GABBR2: variants seen among roughly 807,000 people sequenced by gnomAD.
The protein encoded by GABBR2 is gamma-aminobutyric acid type B receptor subunit 2.
In GABBR2, 23 loss-of-function variants were observed where a neutral mutation model predicts 105.6. The ratio of observed to expected loss-of-function variants is 0.22; its 90% CI spans 0.16 to 0.31. The LOEUF (loss-of-function observed/expected upper bound fraction) is 0.31, where lower values mean the gene tolerates loss of function less well. GABBR2 is among the 10% of genes least tolerant of loss of function. The pLI is 1.00. For missense variants in GABBR2, 734 were observed against 1,245.5 expected (o/e 0.59, Z 6.18); for synonymous variants, 478 against 499.7 (o/e 0.96, Z 0.58).
At chr9:98,695,400 A>G (rs1830735928) in intron 1 of GABBR2, among the ~76,000 whole-genome samples, 1 of 152,174 alleles carries the variant, frequency 6.6e-6, no homozygotes, top group African/African-American at 2.4e-5. Flanking sequence ...CACCAGCCCC[A>G]AGGGCCAGTG....
intron 1 of GABBR2, among the ~76,000 whole-genome samples, chr9:98,590,057 C>T (rs1036421524): frequency 6.6e-6 from 1 of 152,110 alleles, no homozygotes; most frequent in Admixed American, 6.6e-5. Flanking sequence ...CGCCTCTGTC[C>T]CCCTTTGCCT....
chr9:98,351,753 T>C (rs1316062566), intron 13 of GABBR2, among the ~76,000 whole-genome samples: 1 of 152,232 alleles, frequency 6.6e-6, no homozygotes, highest in African/African-American at 2.4e-5. Flanking sequence ...TGTCCATCTG[T>C]GTTGTCTTGT....
At chr9:98,391,850 C>T (rs1207622695) in intron 9 of GABBR2, among the ~76,000 whole-genome samples, 1 of 152,140 alleles carries the variant, frequency 6.6e-6, no homozygotes, top group Non-Finnish European at 1.5e-5. Context: ...GCAGAGGTGG[C>T]ATCTTAAGCC....
chr9:98,601,608 A>T lies in GABBR2; in HGVS notation c.322-23536T>A, dbSNP rs569496794. Among the ~76,000 whole-genome samples the T allele has an allele frequency of 8.7e-4, 132 of 152,344 alleles. 2 individuals carry two copies. The South Asian group carries it at 0.014, about 16-fold the overall frequency. On this transcript the variant is annotated intron_variant, in intron 1 of 18. Transcript: ENST00000259455. ...ACAATTTAATTTTTTAAAGGACATA[A>T]GAAGGAAGGAGGAGGAGGGAAGGGA...
chr9:98,504,132 G>C (rs951977493), intron 3 of GABBR2, among the ~76,000 whole-genome samples: 6 of 152,042 alleles, frequency 3.9e-5, no homozygotes, highest in African/African-American at 2.4e-5. Flanking sequence ...TAATCCTCAG[G>C]CCCTTCTACT....
At chr9:98,393,029 C>CCCAT (rs71369559) in intron 9 of GABBR2, among the ~76,000 whole-genome samples, 13,014 of 122,838 alleles carry the variant, frequency 0.11, 775 homozygotes, top group East Asian at 0.16. Context: ...CATGCATCCA[C>CCCAT]CCATCCATCC....
intron 1 of GABBR2, among the ~76,000 whole-genome samples, chr9:98,588,772 T>C (rs1829108540): frequency 6.6e-6 from 1 of 152,062 alleles, no homozygotes; most frequent in South Asian, 2.1e-4. Context: ...GACCACCGAG[T>C]TTTGGGCAAT....
intron 3 of GABBR2, among the ~76,000 whole-genome samples, chr9:98,506,706 C>T (rs937774565): frequency 6.6e-6 from 1 of 152,182 alleles, no homozygotes; most frequent in Non-Finnish European, 1.5e-5. Flanking sequence ...CAGTTCCCTG[C>T]CTCTCTCACA....
intron 2 of GABBR2, among the ~76,000 whole-genome samples, chr9:98,560,465 G>GCACA (rs753117164): frequency 1.3e-4 from 19 of 141,798 alleles, no homozygotes; most frequent in African/African-American, 4.7e-4. Flanking sequence ...ATATATACAT[G>GCACA]CACACACACA....
At chr9:98,678,914 C>T (rs1830507254) in intron 1 of GABBR2, among the ~76,000 whole-genome samples, 1 of 152,164 alleles carries the variant, frequency 6.6e-6, no homozygotes, top group South Asian at 2.1e-4. Context: ...TGTTTATGGT[C>T]CACCTGCCTG....
intron 1 of GABBR2, among the ~76,000 whole-genome samples, chr9:98,588,061 C>T (rs867557166): frequency 6.6e-6 from 1 of 152,124 alleles, no homozygotes; most frequent in Non-Finnish European, 1.5e-5. Flanking sequence ...AAAAAAAATA[C>T]AGATTACTTT....
chr9:98,470,663 C>G (rs1826655383), intron 6 of GABBR2, among the ~76,000 whole-genome samples: 1 of 152,078 alleles, frequency 6.6e-6, no homozygotes, highest in South Asian at 2.1e-4. Context: ...CCATGATGAA[C>G]AAAACATCGG....
intron 2 of GABBR2, among the ~76,000 whole-genome samples, chr9:98,545,080 C>G (rs1403351264): frequency 2.0e-5 from 3 of 152,176 alleles, no homozygotes; most frequent in Admixed American, 6.5e-5. Flanking sequence ...AAAATATTGG[C>G]TTTCTGATGT....
chr9:98,703,893 T>C (rs536987124), intron 1 of GABBR2, among the ~76,000 whole-genome samples: 15 of 151,974 alleles, frequency 9.9e-5, no homozygotes, highest in Non-Finnish European at 2.2e-4. Context: ...TGAGATTTAA[T>C]ACAGTTAAAT....
At chr9:98,665,242 C>G (rs890107106) in intron 1 of GABBR2, among the ~76,000 whole-genome samples, 1 of 151,616 alleles carries the variant, frequency 6.6e-6, no homozygotes, top group Non-Finnish European at 1.5e-5. Context: ...GCACTTCAGC[C>G]TCCTTGACAG....
At chr9:98,469,457 C>G (rs1826624093) in intron 6 of GABBR2, among the ~76,000 whole-genome samples, 1 of 152,150 alleles carries the variant, frequency 6.6e-6, no homozygotes, top group African/African-American at 2.4e-5. Context: ...TGGGTGGAGA[C>G]ACAGAGCCAA....
chr9:98,425,029 A>G (rs962635184), intron 7 of GABBR2, among the ~76,000 whole-genome samples: 10 of 152,162 alleles, frequency 6.6e-5, no homozygotes, highest in African/African-American at 2.2e-4. Context: ...CGCCAAGTCA[A>G]TCCTAAGCCA....
intron 5 of GABBR2, among the ~76,000 whole-genome samples, chr9:98,475,493 C>T (rs1209896013): frequency 1.3e-5 from 2 of 152,208 alleles, no homozygotes; most frequent in Non-Finnish European, 2.9e-5. Flanking sequence ...TCATCTTTTA[C>T]TGACAGAGAT....
intron 1 of GABBR2, among the ~76,000 whole-genome samples, chr9:98,690,010 C>T (rs529274672): frequency 6.6e-6 from 1 of 152,324 alleles, no homozygotes; most frequent in Non-Finnish European, 1.5e-5. Context: ...CCTCCTAAAA[C>T]TGAAATGAGA....
Sources: allele counts gnomAD v4.1 joint callset (sites outside exome capture counted in the v4.1 genomes callset), GRCh38; gene constraint gnomAD v4.1.1; transcripts MANE v1.5; gene names NCBI Gene and HGNC (gene_info 2026-07-23, HGNC 2026-07-21).